TMEM245: variants seen among roughly 807,000 people sequenced by gnomAD.
The protein encoded by TMEM245 is transmembrane protein 245, also known as protein CG-2.
Under a neutral mutation model 101.2 loss-of-function variants are expected in TMEM245, and 69 were observed. That is an observed-to-expected ratio of 0.68 (90% CI 0.56 to 0.83). The LOEUF is 0.83. Among genes scored for constraint, TMEM245 ranks in the 40% least tolerant of loss-of-function variants. The pLI is 0.00. For missense variants in TMEM245, 1,075 were observed against 1,092.8 expected (o/e 0.98, Z 0.23); for synonymous variants, 537 against 449.8 (o/e 1.19, Z -2.45).
At chr9:109,047,429 C>G (rs1445224488) in intron 14 of TMEM245, among the ~76,000 whole-genome samples, 1 of 152,154 alleles carries the variant, frequency 6.6e-6, no homozygotes, top group East Asian at 1.9e-4. Context: ...CCTCTTATGT[C>G]CACAAATATA....
Position 109,020,480 on chromosome 9 carries a change from G to C in TMEM245, c.2620C>G (p.Leu874Val), listed in dbSNP as rs371529090. 18 of 1,613,946 alleles carry C rather than the reference G, an allele frequency of 1.1e-5. No homozygotes were observed. Among genetic ancestry groups the C allele is most frequent in the Non-Finnish European group, 1.5e-5 (18 of 1,179,962 alleles). ...CCACATCAACCTACTGAAGATTTCA[G>C]ATCTTCAGAAATGTCACGGAAAGTC... ...QRTFRDISED[L>V]KSSVG The change falls in exon 18 of 18, where the codon CTG becomes GTG. Residue 874 changes from leucine to valine, a missense_variant. By Grantham distance (32) the Leu-to-Val change is conservative. This residue lies in a region of TMEM245 where 267 missense variants were observed against 351.3 expected (regional missense o/e 0.76). Coordinates refer to ENST00000374586, the MANE Select transcript of TMEM245 (RefSeq NM_032012.4).
intron 3 of TMEM245, among the ~76,000 whole-genome samples, chr9:109,095,035 T>C (rs934105424): frequency 5.3e-5 from 8 of 152,218 alleles, no homozygotes; most frequent in Admixed American, 5.2e-4. Context: ...AGTACTCACC[T>C]TGCTCAGTCA....
At chr9:109,095,412 G>A (rs1044846568) in intron 3 of TMEM245, among the ~76,000 whole-genome samples, 4 of 152,184 alleles carry the variant, frequency 2.6e-5, no homozygotes, top group South Asian at 2.1e-4. Flanking sequence ...TGGGTATCTT[G>A]TGACATCCTA....
At position 109,036,305 on chromosome 9, in the gene TMEM245, C is replaced by T; in HGVS notation, c.2300G>A (p.Trp767Ter). The change falls in exon 16 of 18, where the codon TGG becomes TAG. Residue 767 changes from tryptophan to a stop codon, truncating the protein, a stop_gained. Transcript: ENST00000374586. LOFTEE classifies it high-confidence loss of function. ...CTTGCATCCTAACCCTTGTGTCAGC[C>T]ACAGGTCAAGAACTGCAGGTACTGC... ...WAAVPAVLDL[W>*]LTQGLGCKAI... The T allele has an allele frequency of 1.2e-6, 2 of 1,613,918 alleles. No individual in the cohort carries two copies. The highest frequency in any genetic ancestry group is 4.5e-5 in the East Asian group (2 of 44,866).
In TMEM245 at chr9:109,095,363, C is replaced by T. The variant is rs78308658; in HGVS notation, c.800-1772G>A. 3.9e-3 allele frequency among the ~76,000 whole-genome samples: 598 copies of T among 152,262 alleles called. 3 individuals are homozygous for T. Among genetic ancestry groups the T allele is most frequent in the Non-Finnish European group, 5.1e-3 (346 of 68,030 alleles). ...TGAATTAAATAACCACACAAATAAA[C>T]GTGTGTATAGAAATTATGGTTGCTA... On this transcript the variant is annotated intron_variant, in intron 3 of 17. Transcript: ENST00000374586.
intron 10 of TMEM245, 26 bp from the exon 11 acceptor site, chr9:109,060,478 G>T: frequency 1.3e-6 from 2 of 1,506,378 alleles, no homozygotes; most frequent in Non-Finnish European, 1.8e-6. Context: ...GATACGACGT[G>T]GTACAATATT....
At chr9:109,089,233 C>CA (rs5899834) in intron 5 of TMEM245, among the ~76,000 whole-genome samples, 7,105 of 140,516 alleles carry the variant, frequency 0.051, 278 homozygotes, top group Non-Finnish European at 0.072. Flanking sequence ...GACCTTGTCT[C>CA]AAAAAAAAAA....
intron 17 of TMEM245, among the ~76,000 whole-genome samples, chr9:109,026,833 G>C (rs955198605): frequency 6.6e-6 from 1 of 152,036 alleles, no homozygotes; most frequent in African/African-American, 2.4e-5. Context: ...CTTCAGGTGA[G>C]AGCAGTTTGT....
chr9:109,050,417 C>A lies in TMEM245; in HGVS notation c.1989G>T (p.Leu663=). 1 of 1,613,860 alleles carries A rather than the reference C, an allele frequency of 6.2e-7. No homozygotes were observed. The highest frequency in any genetic ancestry group is 8.5e-7 in the Non-Finnish European group (1 of 1,179,970). ...LNFVLSLIIF[L]TTLFYLLSSS... ...AACTTAATAGATAAAATAGTGTGGT[C>A]AGGAAAATTATCTGCAAAACAAAGG... The change falls in exon 14 of 18, where the codon CTG becomes CTT. Residue 663 remains leucine (L), a synonymous_variant. Transcript: ENST00000374586.
At chr9:109,048,783 C>G (rs1268341233) in intron 14 of TMEM245, among the ~76,000 whole-genome samples, 1 of 152,136 alleles carries the variant, frequency 6.6e-6, no homozygotes, top group Non-Finnish European at 1.5e-5. Flanking sequence ...AGAGCTTATA[C>G]AGAGGAAAAG....
At chr9:109,099,706 CCT>C (rs1337287303) in intron 3 of TMEM245, among the ~76,000 whole-genome samples, 2 of 152,016 alleles carry the variant, frequency 1.3e-5, no homozygotes, top group African/African-American at 2.4e-5. Flanking sequence ...TGCTAGTGTA[CCT>C]CTTTCCTCAG....
intron 2 of TMEM245, 129 bp downstream of exon 2, chr9:109,108,324 T>C (rs1830479574): frequency 2.3e-6 from 1 of 441,100 alleles, no homozygotes; most frequent in African/African-American, 2.0e-5. Context: ...AAGCATAACA[T>C]TTTCTAAAGA....
chr9:109,032,758 A>G (rs1827999453), intron 17 of TMEM245, among the ~76,000 whole-genome samples: 1 of 146,932 alleles, frequency 6.8e-6, no homozygotes, highest in African/African-American at 2.5e-5. Flanking sequence ...GATTTTTTAA[A>G]TTTATTTTTG....
intron 8 of TMEM245, among the ~76,000 whole-genome samples, chr9:109,074,093 CAAGGGATCTATCCACCTTGGCCTCCCA>C (rs1193172357): frequency 6.6e-5 from 10 of 152,002 alleles, no homozygotes; most frequent in African/African-American, 2.4e-4. Flanking sequence ...CTCCTGACCT[CAAGGGATCTATCCACCTTGGCCTCCCA>C]AAGTGCTAGG....
chr9:109,119,581 G>C lies in TMEM245; in HGVS notation c.333C>G (p.Arg111=). The change falls in exon 1 of 18, where the codon CGC becomes CGG. Residue 111 remains arginine, a synonymous_variant. Coordinates refer to ENST00000374586, the MANE Select transcript of TMEM245 (RefSeq NM_032012.4). ...CGATGGGCGTGTGCGCGCGGTGCAG[G>C]CGCTGCAGCCAGTGGCGGCCCAGGC... ...LTRLGRHWLQ[R]LHRAHTPIVL... is the part of the protein sequence containing the mutation. 2.6e-6 allele frequency: 4 copies of C among 1,547,112 alleles called. No homozygotes were observed. The highest frequency in any genetic ancestry group is 3.5e-6 in the Non-Finnish European group (4 of 1,150,830).
chr9:109,060,564 CTATT>C, intron 10 of TMEM245, 112 bp from the exon 11 acceptor site: 1 of 661,238 alleles, frequency 1.5e-6, no homozygotes, highest in Non-Finnish European at 2.6e-6. Flanking sequence ...ATGTTCCAGA[CTATT>C]TATCTCTAGC....
At chr9:109,071,277 C>T (rs1829324409) in intron 9 of TMEM245, among the ~76,000 whole-genome samples, 1 of 151,298 alleles carries the variant, frequency 6.6e-6, no homozygotes, top group African/African-American at 2.4e-5. Context: ...ATAAATATAC[C>T]ACAATTTATA....
chr9:109,033,227 G>A, intron 17 of TMEM245, 80 bp downstream of exon 17: 3 of 1,387,150 alleles, frequency 2.2e-6, no homozygotes, highest in Non-Finnish European at 1.9e-6. Flanking sequence ...TGACAAGTCT[G>A]GATGAAGCTA....
intron 9 of TMEM245, 90 bp downstream of exon 9, chr9:109,073,266 A>G (rs1829388477): frequency 1.1e-6 from 1 of 945,236 alleles, no homozygotes; most frequent in Non-Finnish European, 1.7e-6. Flanking sequence ...TTATCTTCCA[A>G]TGCAGCTGCA....
Sources: gnomAD v4.1 joint callset for allele counts (sites outside exome capture counted in the v4.1 genomes callset) on GRCh38, gnomAD v4.1.1 for gene constraint, gnomAD v4.1.1 regional missense constraint, MANE v1.5 for transcripts, NCBI Gene and HGNC (gene_info 2026-07-23, HGNC 2026-07-21) for gene names.